Variants in NEGR1 observed in about 807,000 individuals in gnomAD.
NEGR1 encodes IgLON family member 4.
NEGR1 carries 10 observed loss-of-function variants against 40.9 expected under a neutral mutation model. That is an observed-to-expected ratio of 0.24 (90% CI 0.15 to 0.42). The LOEUF (loss-of-function observed/expected upper bound fraction) is 0.42. NEGR1 is among the 10% of genes least tolerant of loss of function. NEGR1 has a pLI of 1.00. For missense variants in NEGR1, 352 were observed against 438.9 expected (o/e 0.80, Z 1.77); for synonymous variants, 185 against 166.8 (o/e 1.11, Z -0.84).
chr1:72,215,305 G>A (rs1653759626), intron 1 of NEGR1, among the ~76,000 whole-genome samples: 1 of 152,036 alleles, frequency 6.6e-6, no homozygotes, highest in African/African-American at 2.4e-5. Flanking sequence ...ATAGGCACGG[G>A]CAAAGACTTC....
intron 1 of NEGR1, among the ~76,000 whole-genome samples, chr1:72,143,913 TAA>T (rs1491347065): frequency 1.6e-4 from 16 of 98,532 alleles, no homozygotes; most frequent in East Asian, 3.4e-4. Flanking sequence ...ATGATATATA[TAA>T]TATATATATA....
chr1:71,454,070 C>G (rs1296024077), intron 6 of NEGR1, among the ~76,000 whole-genome samples: 1 of 152,132 alleles, frequency 6.6e-6, no homozygotes, highest in Non-Finnish European at 1.5e-5. Flanking sequence ...TATTTTTGAA[C>G]TTAAATCTTT....
intron 1 of NEGR1, among the ~76,000 whole-genome samples, chr1:72,255,552 T>C (rs1447995995): frequency 1.4e-5 from 2 of 140,020 alleles, no homozygotes; most frequent in Non-Finnish European, 3.2e-5. Context: ...TACTTCTTTT[T>C]TTTTTTTTTT....
At chr1:71,683,492 G>T (rs1039852136) in intron 4 of NEGR1, among the ~76,000 whole-genome samples, 1 of 141,170 alleles carries the variant, frequency 7.1e-6, no homozygotes. Context: ...ACATACTTTG[G>T]AAATTGTATC....
At chr1:72,176,280 A>T in intron 1 of NEGR1, among the ~76,000 whole-genome samples, 1 of 152,066 alleles carries the variant, frequency 6.6e-6, no homozygotes, top group East Asian at 1.9e-4. Flanking sequence ...ACTTTTTGTA[A>T]GAGTTTTAAA....
At chr1:72,171,300 A>AT (rs1651955321) in intron 1 of NEGR1, among the ~76,000 whole-genome samples, 2 of 152,196 alleles carry the variant, frequency 1.3e-5, no homozygotes, top group African/African-American at 4.8e-5. Context: ...TTAGAATGCT[A>AT]TATCTCTCTA....
At chr1:72,258,915 A>AT (rs1655365454) in intron 1 of NEGR1, among the ~76,000 whole-genome samples, 2 of 152,160 alleles carry the variant, frequency 1.3e-5, no homozygotes, top group African/African-American at 4.8e-5. Context: ...GTCATCTTTT[A>AT]ATTTATAATT....
intron 4 of NEGR1, among the ~76,000 whole-genome samples, chr1:71,661,450 C>A (rs1402929171): frequency 6.6e-6 from 1 of 152,168 alleles, no homozygotes; most frequent in Admixed American, 6.5e-5. Context: ...AGTGCAAACT[C>A]TGTTTTTCCA....
intron 1 of NEGR1, among the ~76,000 whole-genome samples, chr1:71,986,804 C>T (rs1012767646): frequency 2.0e-4 from 31 of 152,206 alleles, no homozygotes; most frequent in African/African-American, 7.2e-4. Context: ...GTATTTGCTG[C>T]TTTCTAGCAA....
chr1:71,411,897 A>G (rs1008300285), intron 6 of NEGR1, among the ~76,000 whole-genome samples: 2 of 152,020 alleles, frequency 1.3e-5, no homozygotes, highest in African/African-American at 4.8e-5. Context: ...GCTACTCAGG[A>G]AGCTGAGGCA....
At chr1:72,273,945 C>A (rs1655945684) in intron 1 of NEGR1, among the ~76,000 whole-genome samples, 1 of 151,268 alleles carries the variant, frequency 6.6e-6, no homozygotes, top group Admixed American at 6.6e-5. Context: ...GTGCTAAGGC[C>A]CTAGGGATAG....
intron 1 of NEGR1, among the ~76,000 whole-genome samples, chr1:72,001,327 A>C (rs1646556102): frequency 6.6e-6 from 1 of 151,980 alleles, no homozygotes; most frequent in Admixed American, 6.6e-5. Context: ...TGAGAGAAAG[A>C]ACTTCAGGTA....
chr1:71,858,883 A>G (rs568531860), intron 2 of NEGR1, among the ~76,000 whole-genome samples: 31 of 152,114 alleles, frequency 2.0e-4, no homozygotes, highest in African/African-American at 7.5e-4. Flanking sequence ...CAAAAATTGT[A>G]CCTAAATATA....
At chr1:71,622,256 T>C (rs1220174211) in intron 4 of NEGR1, among the ~76,000 whole-genome samples, 3 of 151,920 alleles carry the variant, frequency 2.0e-5, no homozygotes, top group Non-Finnish European at 1.5e-5. Flanking sequence ...GCTGAAATTA[T>C]AGCTGTATGT....
chr1:72,094,826 T>C (rs1233706541), intron 1 of NEGR1, among the ~76,000 whole-genome samples: 1 of 152,218 alleles, frequency 6.6e-6, no homozygotes, highest in Non-Finnish European at 1.5e-5. Context: ...CCAAAAGTAA[T>C]ATGAGTAAAT....
chr1:71,501,763 T>C (rs1290012385), intron 6 of NEGR1, among the ~76,000 whole-genome samples: 1 of 152,162 alleles, frequency 6.6e-6, no homozygotes, highest in East Asian at 1.9e-4. Context: ...TAACTACAGA[T>C]AAGAAGAATA....
At chr1:72,049,629 C>T (rs1467888787) in intron 1 of NEGR1, among the ~76,000 whole-genome samples, 2 of 151,518 alleles carry the variant, frequency 1.3e-5, no homozygotes, top group Admixed American at 6.6e-5. Context: ...CTGTGTTTCC[C>T]ATTGTCATTG....
chr1:71,733,669 G>A (rs1654956533), intron 3 of NEGR1, among the ~76,000 whole-genome samples: 1 of 152,112 alleles, frequency 6.6e-6, no homozygotes, highest in Non-Finnish European at 1.5e-5. Context: ...AGGATAAGTA[G>A]AATGAAAATG....
chr1:72,159,621 G>A (rs1163157385), intron 1 of NEGR1, among the ~76,000 whole-genome samples: 1 of 152,112 alleles, frequency 6.6e-6, no homozygotes, highest in South Asian at 2.1e-4. Flanking sequence ...AAAGAACATA[G>A]AAGAATGCAA....
Sources: allele counts gnomAD v4.1 joint callset (sites outside exome capture counted in the v4.1 genomes callset), GRCh38; gene constraint gnomAD v4.1.1; transcripts MANE v1.5; gene names NCBI Gene and HGNC (gene_info 2026-07-23, HGNC 2026-07-21).